DPP6: variants seen among roughly 807,000 people sequenced by gnomAD.
DPP6 encodes A-type potassium channel modulatory protein DPP6.
Under a neutral mutation model 122.6 loss-of-function variants are expected in DPP6, and 69 were observed. That is an observed-to-expected ratio of 0.56 (90% CI 0.46 to 0.69). The LOEUF (loss-of-function observed/expected upper bound fraction) is 0.69. DPP6 is among the 30% of genes least tolerant of loss of function. The pLI is 0.00. For synonymous variants in DPP6, 418 were observed against 433.1 expected, an observed-to-expected ratio of 0.97 and a Z score of 0.43; for missense variants, 928 against 1,116.9, an observed-to-expected ratio of 0.83 and a Z score of 2.41.
At chr7:154,480,873 A>G (rs1246241266) in intron 3 of DPP6, among the ~76,000 whole-genome samples, 1 of 152,200 alleles carries the variant, frequency 6.6e-6, no homozygotes, top group East Asian at 1.9e-4. Flanking sequence ...AATTTGTAGA[A>G]CAAGCTAAGG....
chr7:153,749,196 G>A, the DPP6 span, among the ~76,000 whole-genome samples: 200 of 152,262 alleles, frequency 1.3e-3, no homozygotes, highest in Non-Finnish European at 2.3e-3. The surrounding 1 kb of genome is among the most constrained non-coding windows in gnomAD (Gnocchi z 4.1). Flanking sequence ...GAGAGAACGT[G>A]TGCTGTTTTG....
intron 1 of DPP6, among the ~76,000 whole-genome samples, chr7:154,422,149 AC>A (rs1317985692): frequency 6.6e-6 from 1 of 152,190 alleles, no homozygotes; most frequent in Non-Finnish European, 1.5e-5. Flanking sequence ...GGGAATAAAT[AC>A]CTGAATTCTC....
chr7:153,889,031 C>T lies in DPP6; in HGVS notation c.51+1297C>T, dbSNP rs540992648. ...CACACCCACGGCAGACACCTGTTGC[C>T]TGGCAGAGAGAAGCGCCGTGGGTTC... is the stretch of plus-strand genomic sequence containing the variant. On this transcript the variant is annotated intron_variant, in intron 1 of 25. Coordinates refer to the DPP6 transcript ENST00000404039. 3.9e-5 allele frequency among the ~76,000 whole-genome samples: 6 copies of T among 152,290 alleles called. No homozygotes were observed. In the South Asian group the frequency reaches 1.2e-3, roughly 32 times the overall value.
At chr7:153,942,606 T>C (rs1290207291) in intron 1 of DPP6, among the ~76,000 whole-genome samples, 1 of 152,120 alleles carries the variant, frequency 6.6e-6, no homozygotes, top group Non-Finnish European at 1.5e-5. Context: ...CAACTAAAAA[T>C]GTAATGTCAG....
chr7:154,784,772 T>C (rs1054718486), intron 10 of DPP6, among the ~76,000 whole-genome samples: 6 of 152,156 alleles, frequency 3.9e-5, no homozygotes, highest in African/African-American at 1.4e-4. Context: ...GTGTGTCCTA[T>C]CACCAGCTCC....
intron 15 of DPP6, among the ~76,000 whole-genome samples, chr7:154,805,381 G>A (rs922281839): frequency 5.3e-5 from 8 of 152,130 alleles, no homozygotes; most frequent in East Asian, 1.9e-4. Context: ...CCTGCTGTCC[G>A]GCATTGTAGC....
At chr7:154,187,022 C>G (rs1375853941) in intron 1 of DPP6, among the ~76,000 whole-genome samples, 2 of 152,176 alleles carry the variant, frequency 1.3e-5, no homozygotes, top group Non-Finnish European at 2.9e-5. Context: ...CTGGAGGGAG[C>G]TCCTGGCAGT....
At chr7:154,701,744 GA>G (rs1482633796) in intron 7 of DPP6, among the ~76,000 whole-genome samples, 6 of 152,164 alleles carry the variant, frequency 3.9e-5, no homozygotes, top group African/African-American at 1.4e-4. Flanking sequence ...CATTGGGCCA[GA>G]AAAAAATTCA....
At chr7:154,235,460 T>G (rs548868158) in intron 1 of DPP6, among the ~76,000 whole-genome samples, 1 of 146,610 alleles carries the variant, frequency 6.8e-6, no homozygotes, top group East Asian at 2.0e-4. Flanking sequence ...AGTTTGCTGT[T>G]CCAAAAGCTA....
At chr7:154,593,015 AT>A (rs2130738525) in intron 5 of DPP6, among the ~76,000 whole-genome samples, 1 of 152,274 alleles carries the variant, frequency 6.6e-6, no homozygotes, top group East Asian at 1.9e-4. Context: ...CGGAGCTGTC[AT>A]GGGACAAGCA....
chr7:154,276,648 T>G (rs1804156118), intron 1 of DPP6, among the ~76,000 whole-genome samples: 1 of 152,180 alleles, frequency 6.6e-6, no homozygotes, highest in Non-Finnish European at 1.5e-5. Context: ...GCCCTGGAGA[T>G]GCAGTCAGTT....
chr7:153,752,246 A>C, the DPP6 span, among the ~76,000 whole-genome samples: 195 of 133,018 alleles, frequency 1.5e-3, 3 homozygotes, highest in East Asian at 0.039. Flanking sequence ...TATTTGTACC[A>C]CAGCCTCTTT....
intron 3 of DPP6, among the ~76,000 whole-genome samples, chr7:154,538,128 GA>G (rs1339742982): frequency 3.3e-5 from 5 of 151,910 alleles, no homozygotes; most frequent in African/African-American, 4.8e-5. Context: ...AATTCAGGAG[GA>G]AAAAAAAGTA....
upstream of DPP6, among the ~76,000 whole-genome samples, chr7:154,049,096 T>G: frequency 6.6e-6 from 1 of 151,312 alleles, no homozygotes; most frequent in Non-Finnish European, 1.5e-5. Context: ...CGACATTAAA[T>G]AATTTGCAAA....
At chr7:153,772,085 TTCACAGGAAGTATATATAAATACAGTC>T in the DPP6 span, among the ~76,000 whole-genome samples, 1 of 152,136 alleles carries the variant, frequency 6.6e-6, no homozygotes, top group Non-Finnish European at 1.5e-5. Flanking sequence ...ATCCTTACAC[TTCACAGGAAGTATATATAAATACAGTC>T]TCACTCTGTT....
chr7:153,854,668 A>C, the DPP6 span, among the ~76,000 whole-genome samples: 286 of 119,708 alleles, frequency 2.4e-3, 2 homozygotes, highest in Non-Finnish European at 3.3e-3. Context: ...TCCATTGTGG[A>C]AGTCAGTGTG....
At chr7:153,813,942 G>A in the DPP6 span, among the ~76,000 whole-genome samples, 1 of 152,126 alleles carries the variant, frequency 6.6e-6, no homozygotes, top group Non-Finnish European at 1.5e-5. Context: ...AGATGAGTAG[G>A]TTGAGAAAAT....
chr7:154,534,368 A>G (rs1828073001), intron 3 of DPP6, among the ~76,000 whole-genome samples: 1 of 152,202 alleles, frequency 6.6e-6, no homozygotes, highest in Admixed American at 6.6e-5. Flanking sequence ...TAGCATTGTA[A>G]TAAAGGTCCT....
chr7:154,019,894 T>C (rs1264544199), intron 1 of DPP6, among the ~76,000 whole-genome samples: 1 of 152,188 alleles, frequency 6.6e-6, no homozygotes, highest in East Asian at 1.9e-4. Flanking sequence ...AAAGTCTTTT[T>C]CTTGGAGCTC....
Sources: allele counts gnomAD v4.1 joint callset (sites outside exome capture counted in the v4.1 genomes callset), GRCh38; gene constraint gnomAD v4.1.1; non-coding constraint Gnocchi (gnomAD v3.1); transcripts MANE v1.5; gene names NCBI Gene and HGNC (gene_info 2026-07-23, HGNC 2026-07-21).